Variants in SEMA4B observed in about 807,000 individuals in gnomAD.
SEMA4B encodes the protein semaphorin 4B, also known as semaphorin-4B.
Under a neutral mutation model 88.1 loss-of-function variants are expected in SEMA4B, and 55 were observed. That is an observed-to-expected ratio of 0.62 (90% confidence interval 0.50 to 0.78). The LOEUF is 0.78. Among genes scored for constraint, SEMA4B ranks in the 30% least tolerant of loss-of-function variants. SEMA4B has a pLI of 0.00. For synonymous variants in SEMA4B, 525 were observed against 473.6 expected (o/e 1.11, Z -1.41); for missense variants, 1,062 against 1,111.9 (o/e 0.96, Z 0.64).
intron 13 of SEMA4B, 83 bp from the exon 14 acceptor site, chr15:90,227,821 G>A: frequency 6.3e-7 from 1 of 1,584,484 alleles, no homozygotes; most frequent in Non-Finnish European, 8.6e-7. Context: ...TGGCACCAGG[G>A]GCATAGCCCA....
chr15:90,185,279 A>G (rs1409254556), intron 1 of SEMA4B, among the ~76,000 whole-genome samples: 1 of 152,212 alleles, frequency 6.6e-6, no homozygotes, highest in Non-Finnish European at 1.5e-5. Context: ...ATGGCAGCGC[A>G]GGAGGCTGGG....
At chr15:90,224,152 G>A (rs1433341463) in intron 9 of SEMA4B, among the ~76,000 whole-genome samples, 164 bp downstream of exon 9, 7 of 152,228 alleles carry the variant, frequency 4.6e-5, no homozygotes, top group Admixed American at 4.6e-4. Context: ...CTTGTGTACT[G>A]GGTTAGATAT....
intron 1 of SEMA4B, among the ~76,000 whole-genome samples, chr15:90,191,091 T>C (rs1432778653): frequency 6.6e-6 from 1 of 152,198 alleles, no homozygotes; most frequent in Non-Finnish European, 1.5e-5. Context: ...CAACTTCATG[T>C]TCTACCCTGT....
chr15:90,228,516 G>A lies in SEMA4B; in HGVS notation c.2387G>A (p.Gly796Glu), dbSNP rs768856703. ...CAGTCCCTGTCAGACAGCCCCCCGG[G>A]GTCCCGAGTCTTCACTGAGTCAGAG... ...GYQSLSDSPP[G>E]SRVFTESEKR... Residue 796 changes from glycine to glutamate, a missense_variant, in exon 14 of 14, where the codon GGG (glycine) becomes GAG (glutamate). Coordinates refer to ENST00000411539, the MANE Select transcript of SEMA4B (RefSeq NM_198925.4). 2 of 1,611,946 alleles carry A rather than the reference G, an allele frequency of 1.2e-6. No individual in the cohort carries two copies. Among genetic ancestry groups the A allele is most frequent in the South Asian group, 2.2e-5 (2 of 90,918 alleles).
intron 1 of SEMA4B, among the ~76,000 whole-genome samples, chr15:90,187,941 G>A (rs891965720): frequency 2.6e-5 from 4 of 151,278 alleles, no homozygotes; most frequent in Admixed American, 1.3e-4. Flanking sequence ...GGAGGCGGAG[G>A]TTGCAGTGAG....
chr15:90,219,551 C>T, intron 3 of SEMA4B: 1 of 516,194 alleles, frequency 1.9e-6, no homozygotes, highest in Non-Finnish European at 3.4e-6. Flanking sequence ...CACCCCTAGG[C>T]CGAAGGAAAG....
At chr15:90,224,283 A>G (rs1962028292) in intron 9 of SEMA4B, among the ~76,000 whole-genome samples, 3 of 152,226 alleles carry the variant, frequency 2.0e-5, no homozygotes, top group Non-Finnish European at 4.4e-5. Context: ...ACTCAGCTGC[A>G]AGCTCCTTAT....
chr15:90,193,798 G>A (rs115754486), intron 1 of SEMA4B, among the ~76,000 whole-genome samples: 3,276 of 152,032 alleles, frequency 0.022, 108 homozygotes, highest in African/African-American at 0.074. Context: ...AATGTAGCTA[G>A]TACCTTGACT....
In SEMA4B at chr15:90,225,118, G is replaced by A. The variant is rs777631221; in HGVS notation, c.1345G>A (p.Val449Met). 69 of 1,613,512 alleles carry A rather than the reference G, an allele frequency of 4.3e-5. No homozygotes were observed. The highest frequency in any genetic ancestry group is 7.7e-5 in the South Asian group (7 of 91,088). Residue 449 changes from valine to methionine, a missense_variant, in exon 10 of 14, where the codon GTG (valine) becomes ATG (methionine). Val to Met is a conservative substitution (Grantham distance 21, BLOSUM62 1). Coordinates refer to ENST00000411539, the MANE Select transcript of SEMA4B (RefSeq NM_198925.4). ...LLQPQARYQR[V>M]AVHRVPGLHH... ...GCAGCCCCAGGCTCGCTACCAGCGCGTGGCTGTACACCGCGTCCCTGGCCT... is the reference window on the plus strand; with the variant it reads ...GCAGCCCCAGGCTCGCTACCAGCGCATGGCTGTACACCGCGTCCCTGGCCT...
chr15:90,206,804 G>C, intron 1 of SEMA4B: 1 of 741,566 alleles, frequency 1.3e-6, no homozygotes. Context: ...CCTAATTAAG[G>C]TTGATGACAA....
chr15:90,225,535 A>G, intron 11 of SEMA4B, 126 bp from the exon 12 acceptor site: 12 of 1,295,260 alleles, frequency 9.3e-6, no homozygotes, highest in Non-Finnish European at 1.3e-5. Context: ...ACTATTAGAA[A>G]GTGGGGTCGC....
At chr15:90,223,046 A>C (rs562414715) in intron 7 of SEMA4B, among the ~76,000 whole-genome samples, 2 of 150,094 alleles carry the variant, frequency 1.3e-5, no homozygotes, top group Non-Finnish European at 3.0e-5. Context: ...TTTCACTGCA[A>C]CCTCCGCTGC....
intron 1 of SEMA4B, among the ~76,000 whole-genome samples, chr15:90,211,756 C>T (rs1039825323): frequency 6.6e-6 from 1 of 152,134 alleles, no homozygotes; most frequent in Non-Finnish European, 1.5e-5. Flanking sequence ...GGACTTGTCC[C>T]GCCCAGACCC....
Position 90,201,680 on chromosome 15 carries a change from G to A in SEMA4B, c.102G>A (p.Leu34=). ...TGCTGCTCCTGCTGCTGCTGCTCCT[G>A]CTGCAGCCGCCGCCTCCGACCTGGG... ...PLLLLLLLLL[L]LQPPPPTWAL... The change falls in exon 1 of 14, where the codon CTG becomes CTA. Residue 34 remains leucine (L), a synonymous_variant. Transcript: ENST00000411539. 3.3e-6 allele frequency: 5 copies of A among 1,512,696 alleles called. No homozygotes were observed. The highest frequency in any genetic ancestry group is 2.0e-5 in the Admixed American group (1 of 49,430). 93.7% of individuals were successfully genotyped at this position (1,512,696 alleles called of 1,614,324 possible).
At chr15:90,208,290 G>T (rs1961091170) in intron 1 of SEMA4B, among the ~76,000 whole-genome samples, 1 of 151,896 alleles carries the variant, frequency 6.6e-6, no homozygotes, top group Non-Finnish European at 1.5e-5. Context: ...TTAATTAGTT[G>T]CTGATATTTA....
At chr15:90,184,953 G>T (rs1365739942), upstream of SEMA4B, 2 of 985,856 alleles carry the variant, frequency 2.0e-6, no homozygotes, top group African/African-American at 3.5e-5. Context: ...CTGAGGCTGT[G>T]CGCCCGAGAC....
intron 1 of SEMA4B, among the ~76,000 whole-genome samples, chr15:90,210,345 C>T (rs972552407): frequency 5.9e-5 from 9 of 152,112 alleles, no homozygotes; most frequent in Admixed American, 2.6e-4. Flanking sequence ...ATTTGGGGAT[C>T]GCCAGCATCC....
chr15:90,201,336 G>A lies in SEMA4B; in HGVS notation c.-243G>A, dbSNP rs1960705664. 6 of 1,197,754 alleles carry A rather than the reference G, an allele frequency of 5.0e-6. No individual in the cohort carries two copies. Among genetic ancestry groups the A allele is most frequent in the East Asian group, 3.6e-5 (1 of 27,922 alleles). 74.2% of individuals were successfully genotyped at this position (1,197,754 alleles called of 1,614,324 possible). The stretch of plus-strand genomic sequence containing the variant: ...TTCAGCCCCGCCCTCCGCCGCTTGC[G>A]GGTGAGCTCTGCCCAAGCCGAGGCT... On this transcript the variant is annotated 5_prime_UTR_variant, in exon 1 of 14. Coordinates refer to ENST00000411539, the MANE Select transcript of SEMA4B (RefSeq NM_198925.4).
intron 1 of SEMA4B, among the ~76,000 whole-genome samples, chr15:90,207,485 G>A (rs968303834): frequency 9.2e-5 from 14 of 152,232 alleles, no homozygotes; most frequent in Non-Finnish European, 1.9e-4. Context: ...TGTGTGCCAG[G>A]CACTGCTGTT....
Sources: gnomAD v4.1 joint callset for allele counts (sites outside exome capture counted in the v4.1 genomes callset) on GRCh38, gnomAD v4.1.1 for gene constraint, MANE v1.5 for transcripts, NCBI Gene and HGNC (gene_info 2026-07-23, HGNC 2026-07-21) for gene names.